Variants in OSBPL8 observed in about 807,000 individuals in gnomAD.
OSBPL8 encodes the protein oxysterol binding protein like 8.
A neutral mutation model predicts 125.5 loss-of-function variants in OSBPL8; 59 were observed. That is an observed-to-expected ratio of 0.47 (90% CI 0.38 to 0.58). OSBPL8 has a LOEUF of 0.58. Ranked by LOEUF, OSBPL8 falls within the 20% of genes least tolerant of loss-of-function variation. The pLI is 0.00. For synonymous variants in OSBPL8, 330 were observed against 338.9 expected, an observed-to-expected ratio of 0.97 and a Z score of 0.29; for missense variants, 758 against 1,047.8, an observed-to-expected ratio of 0.72 and a Z score of 3.82.
At chr12:76,442,484 G>A (rs1872301031) in intron 4 of OSBPL8, among the ~76,000 whole-genome samples, 1 of 151,982 alleles carries the variant, frequency 6.6e-6, no homozygotes, top group Non-Finnish European at 1.5e-5. Context: ...CTAAATTACA[G>A]ATATTTAATG....
chr12:76,361,217 A>G (rs2136142290), intron 21 of OSBPL8, among the ~76,000 whole-genome samples: 1 of 152,238 alleles, frequency 6.6e-6, no homozygotes, highest in East Asian at 1.9e-4. Flanking sequence ...GATACCCTAA[A>G]TCATCTCCTT....
At chr12:76,529,582 A>G (rs1473944122) in intron 1 of OSBPL8, among the ~76,000 whole-genome samples, 1 of 152,146 alleles carries the variant, frequency 6.6e-6, no homozygotes, top group Non-Finnish European at 1.5e-5. Context: ...GCTTTCTATT[A>G]AAACAGTAGA....
At chr12:76,419,346 T>C (rs1460043493) in intron 4 of OSBPL8, among the ~76,000 whole-genome samples, 1 of 152,172 alleles carries the variant, frequency 6.6e-6, no homozygotes, top group Non-Finnish European at 1.5e-5. Context: ...TGAAAAGACA[T>C]TGTTCCCTAT....
At chr12:76,527,209 G>C (rs1472965110) in intron 1 of OSBPL8, among the ~76,000 whole-genome samples, 4 of 140,298 alleles carry the variant, frequency 2.9e-5, no homozygotes, top group African/African-American at 5.2e-5. Context: ...ATTAGGACCT[G>C]TCTTTAGAGT....
chr12:76,511,854 C>T (rs1430186058), intron 1 of OSBPL8, among the ~76,000 whole-genome samples: 2 of 152,200 alleles, frequency 1.3e-5, no homozygotes, highest in East Asian at 1.9e-4. Context: ...TTATAGTTTT[C>T]GGTTTTACAT....
intron 17 of OSBPL8, among the ~76,000 whole-genome samples, chr12:76,374,276 G>C (rs1952730086): frequency 6.6e-6 from 1 of 152,020 alleles, no homozygotes; most frequent in Non-Finnish European, 1.5e-5. Context: ...TTTTGAGGCA[G>C]ACAAAAATTT....
Position 76,450,857 on chromosome 12 carries a change from T to C in OSBPL8, c.211A>G (p.Ser71Gly), listed in dbSNP as rs533591401. The C allele has an allele frequency of 6.2e-7, 1 of 1,609,698 alleles. No individual in the cohort carries two copies. The highest frequency in any genetic ancestry group is 1.1e-5 in the South Asian group (1 of 90,502). Residue 71 changes from serine (S) to glycine (G), a missense_variant, in exon 4 of 24, where the codon AGC becomes GGC. Ser to Gly is a moderately conservative substitution (Grantham distance 56). This residue lies in a region of OSBPL8 where 117 missense variants were observed against 137.1 expected (regional missense o/e 0.85). Coordinates refer to ENST00000261183, the MANE Select transcript of OSBPL8 (RefSeq NM_020841.5). The part of the protein sequence containing the change: ...QPSLSPASPH[S>G]QGFERGKEDI... The stretch of plus-strand genomic sequence containing the variant: ...GAAAACCACAACTTCCTACCCTGGC[T>C]ATGAGGACTTGCTGGACTAAGAGAT...
At chr12:76,413,107 AC>A (rs1482467341) in intron 4 of OSBPL8, among the ~76,000 whole-genome samples, 3 of 152,214 alleles carry the variant, frequency 2.0e-5, no homozygotes, top group African/African-American at 7.2e-5. Context: ...CTCCATTTTT[AC>A]TTCCAAAGGT....
chr12:76,382,340 C>T (rs923547359), intron 15 of OSBPL8, among the ~76,000 whole-genome samples: 2 of 151,602 alleles, frequency 1.3e-5, no homozygotes, highest in African/African-American at 2.4e-5. Flanking sequence ...TTTTTGGTGG[C>T]GATTTTTCTT....
chr12:76,489,206 G>A (rs1422912336), intron 1 of OSBPL8, among the ~76,000 whole-genome samples: 1 of 152,214 alleles, frequency 6.6e-6, no homozygotes, highest in African/African-American at 2.4e-5. Flanking sequence ...AAAATGCAAG[G>A]TGAAGTAGCA....
At chr12:76,422,760 C>A in intron 4 of OSBPL8, 1 of 355,136 alleles carries the variant, frequency 2.8e-6, no homozygotes. Context: ...CCCACCAGCA[C>A]AAACAAAGAA....
At chr12:76,361,574 C>T (rs568396801) in intron 21 of OSBPL8, among the ~76,000 whole-genome samples, 18 of 152,246 alleles carry the variant, frequency 1.2e-4, no homozygotes, top group African/African-American at 2.2e-4. Context: ...TCCATATTTA[C>T]GCTGCTGATA....
intron 5 of OSBPL8, among the ~76,000 whole-genome samples, chr12:76,403,461 A>T (rs934233685): frequency 2.6e-5 from 4 of 152,200 alleles, no homozygotes; most frequent in African/African-American, 9.6e-5. Flanking sequence ...GAAGCTCAGG[A>T]AGGTTGATTT....
At chr12:76,488,858 A>T (rs962894571) in intron 1 of OSBPL8, among the ~76,000 whole-genome samples, 5 of 152,248 alleles carry the variant, frequency 3.3e-5, no homozygotes, top group Admixed American at 2.6e-4. Flanking sequence ...ATCAAAAGCT[A>T]AAAATGATTA....
intron 1 of OSBPL8, among the ~76,000 whole-genome samples, chr12:76,528,705 G>C (rs1037174020): frequency 1.3e-5 from 2 of 151,914 alleles, no homozygotes; most frequent in Non-Finnish European, 2.9e-5. Context: ...CAACGATATA[G>C]CTATAGTATT....
intron 1 of OSBPL8, among the ~76,000 whole-genome samples, chr12:76,527,983 T>C (rs1950223942): frequency 6.6e-6 from 1 of 152,208 alleles, no homozygotes; most frequent in South Asian, 2.1e-4. Context: ...TCTACTTAAC[T>C]GCTACCAAAT....
intron 5 of OSBPL8, among the ~76,000 whole-genome samples, chr12:76,409,070 T>TC (rs1263780193): frequency 2.0e-5 from 3 of 152,198 alleles, no homozygotes; most frequent in Non-Finnish European, 4.4e-5. Flanking sequence ...TCCTACTTTC[T>TC]TTAATAATAC....
chr12:76,355,976 G>T lies in OSBPL8; in HGVS notation c.2583C>A (p.Ala861=). The T allele has an allele frequency of 6.2e-7, 1 of 1,613,200 alleles. No homozygotes were observed. The highest frequency in any genetic ancestry group is 8.5e-7 in the Non-Finnish European group (1 of 1,179,470). The change falls in exon 24 of 24, where the codon GCC becomes GCA. Residue 861 remains alanine, a synonymous_variant. Coordinates refer to ENST00000261183, the MANE Select transcript of OSBPL8 (RefSeq NM_020841.5). The part of the protein sequence containing the change: ...LRNHLVSSTP[A]TDYFLQQKDY... Reference sequence around the variant, plus strand: ...CTTTTTGTTGCAGAAAATAATCCGTGGCCGGTGTGCTTGAAACTAAATGAT... The same window carrying T: ...CTTTTTGTTGCAGAAAATAATCCGTTGCCGGTGTGCTTGAAACTAAATGAT...
intron 2 of OSBPL8, among the ~76,000 whole-genome samples, chr12:76,482,482 G>A (rs1297378396): frequency 6.6e-6 from 1 of 152,160 alleles, no homozygotes; most frequent in Admixed American, 6.5e-5. Flanking sequence ...GCGTGGTGGC[G>A]CATGCCTGTA....
Sources: allele counts gnomAD v4.1 joint callset (sites outside exome capture counted in the v4.1 genomes callset), GRCh38; gene constraint gnomAD v4.1.1; regional missense constraint gnomAD v4.1.1; transcripts MANE v1.5; gene names NCBI Gene and HGNC (gene_info 2026-07-23, HGNC 2026-07-21).